The following CTNNA3 variants were observed in gnomAD, a reference collection of about 807,000 sequenced individuals.
The protein encoded by CTNNA3 is catenin alpha 3.
In CTNNA3, 76 loss-of-function variants were observed where a neutral mutation model predicts 95.7. The observed-to-expected ratio is 0.79, with a 90% CI of 0.66 to 0.96. CTNNA3 has a LOEUF of 0.96. Among genes scored for constraint, CTNNA3 ranks in the 40% least tolerant of loss-of-function variants. CTNNA3 has a pLI of 0.00. For synonymous variants in CTNNA3, 431 were observed against 374.4 expected, an observed-to-expected ratio of 1.15 and a Z score of -1.74; for missense variants, 1,191 against 1,089.8, an observed-to-expected ratio of 1.09 and a Z score of -1.31.
intron 1 of CTNNA3, among the ~76,000 whole-genome samples, chr10:67,755,472 T>C (rs1841427948): frequency 6.6e-6 from 1 of 152,070 alleles, no homozygotes; most frequent in Non-Finnish European, 1.5e-5. Flanking sequence ...AACTACCATA[T>C]GATCCAGCAA....
chr10:65,937,645 C>G (rs1283371737), intron 17 of CTNNA3, among the ~76,000 whole-genome samples: 1 of 152,106 alleles, frequency 6.6e-6, no homozygotes, highest in Non-Finnish European at 1.5e-5. Flanking sequence ...TGCCCATACA[C>G]TGTACTCCTA....
At chr10:66,500,055 C>T (rs1335544445) in intron 11 of CTNNA3, among the ~76,000 whole-genome samples, 2 of 152,016 alleles carry the variant, frequency 1.3e-5, no homozygotes, top group African/African-American at 4.8e-5. Flanking sequence ...CCTGCCTCGG[C>T]CTCCCAAAGT....
rs191776883 is a variant in CTNNA3 at position 67,406,380 on chromosome 10, C to A, written c.579+115462G>T. Among the ~76,000 whole-genome samples the A allele has an allele frequency of 5.5e-3, 841 of 152,128 alleles. 4 individuals carry two copies. The highest frequency in any genetic ancestry group is 9.0e-3 in the Non-Finnish European group (615 of 67,970). On this transcript the variant is annotated intron_variant, in intron 5 of 17. Coordinates refer to ENST00000433211, the MANE Select transcript of CTNNA3 (RefSeq NM_013266.4). ...GCAGAAATCTTGAAATTAATGAGAA[C>A]AAAAATACAACATACCAAAATCTCT... is the stretch of plus-strand genomic sequence containing the variant.
intron 13 of CTNNA3, among the ~76,000 whole-genome samples, chr10:66,237,881 G>T (rs1364229725): frequency 6.6e-6 from 1 of 151,962 alleles, no homozygotes; most frequent in Non-Finnish European, 1.5e-5. Context: ...ATTACAATGA[G>T]TTATTTTCCC....
At chr10:66,889,201 A>G (rs1845161852) in intron 7 of CTNNA3, among the ~76,000 whole-genome samples, 1 of 152,230 alleles carries the variant, frequency 6.6e-6, no homozygotes, top group African/African-American at 2.4e-5. Context: ...AAATACATCC[A>G]GCAGATGCCA....
chr10:66,657,736 T>A lies in CTNNA3; in HGVS notation c.1282-35952A>T, dbSNP rs554327313. ...CCCATTTTTCAATAACATGCAGCAA[T>A]CTTAGTCACTAAATATTGTTTAAAA... On this transcript the variant is annotated intron_variant, in intron 9 of 17. Coordinates refer to ENST00000433211, the MANE Select transcript of CTNNA3 (RefSeq NM_013266.4). Among the ~76,000 whole-genome samples the A allele has an allele frequency of 9.2e-5, 14 of 152,202 alleles. No individual in the cohort carries two copies. The East Asian group carries it at 2.7e-3, about 29-fold the overall frequency.
chr10:66,811,272 G>A (rs1435533704), intron 7 of CTNNA3, among the ~76,000 whole-genome samples: 3 of 152,142 alleles, frequency 2.0e-5, no homozygotes, highest in Non-Finnish European at 2.9e-5. Flanking sequence ...CCAGATCCTG[G>A]GAGGACTAGC....
intron 13 of CTNNA3, among the ~76,000 whole-genome samples, chr10:66,143,319 A>G (rs977759384): frequency 4.6e-5 from 7 of 152,282 alleles, no homozygotes; most frequent in African/African-American, 1.4e-4. Flanking sequence ...TTATAAAATT[A>G]AAATCAGGTT....
At chr10:66,010,498 A>C (rs939987937) in intron 15 of CTNNA3, among the ~76,000 whole-genome samples, 1 of 152,220 alleles carries the variant, frequency 6.6e-6, no homozygotes, top group African/African-American at 2.4e-5. Context: ...AAAGATCTAA[A>C]GAACAAAAGA....
intron 11 of CTNNA3, among the ~76,000 whole-genome samples, chr10:66,415,959 C>T (rs2093142566): frequency 6.6e-6 from 1 of 151,934 alleles, no homozygotes; most frequent in South Asian, 2.1e-4. Context: ...TATGACAGCT[C>T]CAAAGGAGAT....
chr10:66,784,732 C>G (rs1250029361), intron 7 of CTNNA3, among the ~76,000 whole-genome samples: 1 of 152,108 alleles, frequency 6.6e-6, no homozygotes, highest in Admixed American at 6.6e-5. Context: ...CTGAATAAAA[C>G]CTCACATCCA....
rs4745937 is a variant in CTNNA3 at position 67,547,935 on chromosome 10, G to A, written c.293-8266C>T. ...CTCATGGATTAGAAGACTTAATATT[G>A]TTAAGATAGCAATACTCCCCATATC... On this transcript the variant is annotated intron_variant, in intron 3 of 17. Transcript: ENST00000433211. Among the ~76,000 whole-genome samples, 1,981 of 152,244 alleles carry A rather than the reference G, an allele frequency of 0.013. 74 individuals carry two copies. The East Asian group carries it at 0.14, about 11-fold the overall frequency.
At chr10:66,961,167 T>C (rs1849091250) in intron 7 of CTNNA3, among the ~76,000 whole-genome samples, 1 of 152,174 alleles carries the variant, frequency 6.6e-6, no homozygotes, top group African/African-American at 2.4e-5. Context: ...ATAAACATTA[T>C]CTTTAAAGCT....
intron 7 of CTNNA3, among the ~76,000 whole-genome samples, chr10:66,991,541 A>G (rs1185559917): frequency 1.3e-5 from 2 of 152,138 alleles, no homozygotes; most frequent in Non-Finnish European, 2.9e-5. Flanking sequence ...ACTCAGTGAA[A>G]ACAAATTTAT....
At chr10:67,223,671 A>T (rs1485332487) in intron 5 of CTNNA3, among the ~76,000 whole-genome samples, 2 of 152,208 alleles carry the variant, frequency 1.3e-5, no homozygotes, top group Non-Finnish European at 2.9e-5. Context: ...ATATTATTTT[A>T]AAAAATACAA....
At chr10:66,783,801 T>G (rs1382421552) in intron 7 of CTNNA3, among the ~76,000 whole-genome samples, 1 of 152,116 alleles carries the variant, frequency 6.6e-6, no homozygotes, top group African/African-American at 2.4e-5. Context: ...TTTTTGGAGA[T>G]AGAGAATCAG....
chr10:67,443,813 T>C (rs1184240219), intron 5 of CTNNA3, among the ~76,000 whole-genome samples: 1 of 152,118 alleles, frequency 6.6e-6, no homozygotes. Flanking sequence ...AGATCCCATT[T>C]GTCAATTTTG....
chr10:66,842,160 C>T (rs1280024930), intron 7 of CTNNA3, among the ~76,000 whole-genome samples: 1 of 151,832 alleles, frequency 6.6e-6, no homozygotes, highest in East Asian at 1.9e-4. Flanking sequence ...CCAGGCTGGT[C>T]TTGAACCTCA....
intron 9 of CTNNA3, among the ~76,000 whole-genome samples, chr10:66,647,203 C>T (rs1008447721): frequency 6.6e-6 from 1 of 152,136 alleles, no homozygotes; most frequent in Non-Finnish European, 1.5e-5. Flanking sequence ...AGGGTTCATA[C>T]ACTACAAGCC....
Sources: allele counts gnomAD v4.1 joint callset (sites outside exome capture counted in the v4.1 genomes callset), GRCh38; gene constraint gnomAD v4.1.1; transcripts MANE v1.5; gene names NCBI Gene and HGNC (gene_info 2026-07-23, HGNC 2026-07-21).